ABI1: variants seen among roughly 807,000 people sequenced by gnomAD.
The protein encoded by ABI1 is Abelson interactor 1.
Under a neutral mutation model 54.6 loss-of-function variants are expected in ABI1, and 14 were observed. That is an observed-to-expected ratio of 0.26 (90% confidence interval 0.17 to 0.40). The LOEUF is 0.40. Among genes scored for constraint, ABI1 ranks in the 10% least tolerant of loss-of-function variants. The pLI, the probability that ABI1 is intolerant of heterozygous loss-of-function variation, is 1.00. For synonymous variants in ABI1, 194 were observed against 209.3 expected (o/e 0.93, Z 0.63); for missense variants, 443 against 598.3 (o/e 0.74, Z 2.71).
In ABI1 at chr10:26,860,645, C is replaced by A; in HGVS notation, c.117+102G>T. ...CTGCGGTAGGGGCTCGGGTTGGTGG[C>A]AGCCGCTGAGGTCAGGGCAGTTCCC... On this transcript the variant is annotated intron_variant, in intron 1 of 10. Transcript: ENST00000376140. This position sits in a 1 kb window ranked among gnomAD's most constrained non-coding sequence, Gnocchi z 4.1. 1.1e-6 allele frequency: 1 copy of A among 914,758 alleles called. No homozygotes were observed. Among genetic ancestry groups the A allele is most frequent in the Non-Finnish European group, 1.8e-6 (1 of 570,414 alleles). 56.7% of individuals were successfully genotyped at this position (914,758 alleles called of 1,614,324 possible).
intron 2 of ABI1, among the ~76,000 whole-genome samples, chr10:26,782,568 C>A (rs904086517): frequency 5.3e-5 from 8 of 152,020 alleles, no homozygotes; most frequent in Non-Finnish European, 1.0e-4. Context: ...ACCAAAAATA[C>A]AAACATTAGC....
rs1032261865 is a variant in ABI1 at position 26,860,685 on chromosome 10, G to A, written c.117+62C>T. On this transcript the variant is annotated intron_variant, in intron 1 of 10. Transcript: ENST00000376140. The surrounding 1 kb of genome is among the most constrained non-coding windows in gnomAD (Gnocchi z 4.1). ...GGGCAGTTCCCCACCCCGCCCAGTGGGCTGGTCACTCCGGCGGGTCCTCGA... is the reference window on the plus strand; with the variant it reads ...GGGCAGTTCCCCACCCCGCCCAGTGAGCTGGTCACTCCGGCGGGTCCTCGA... The A allele has an allele frequency of 3.2e-5, 43 of 1,355,016 alleles. 1 individual carries two copies. The highest frequency in any genetic ancestry group is 2.8e-4 in the South Asian group (24 of 85,964). 83.9% of individuals were successfully genotyped at this position (1,355,016 alleles called of 1,614,324 possible).
intron 1 of ABI1, among the ~76,000 whole-genome samples, chr10:26,834,219 G>A (rs1313165725): frequency 6.6e-6 from 1 of 152,028 alleles, no homozygotes; most frequent in Non-Finnish European, 1.5e-5. Context: ...GACAGAGCGA[G>A]ATTCCATCTC....
intron 2 of ABI1, among the ~76,000 whole-genome samples, chr10:26,799,422 A>C (rs927192805): frequency 1.3e-5 from 2 of 152,212 alleles, no homozygotes; most frequent in African/African-American, 4.8e-5. Context: ...GCTCTTCAAA[A>C]AGAACAAACC....
chr10:26,818,352 CT>C, intron 2 of ABI1, among the ~76,000 whole-genome samples: 1 of 151,652 alleles, frequency 6.6e-6, no homozygotes, highest in East Asian at 2.0e-4. Flanking sequence ...GGCACAGTGG[CT>C]CATGTCTGTA....
At chr10:26,793,639 T>G (rs1429645315) in intron 2 of ABI1, among the ~76,000 whole-genome samples, 1 of 152,230 alleles carries the variant, frequency 6.6e-6, no homozygotes, top group South Asian at 2.1e-4. Flanking sequence ...ATACTCTATG[T>G]GGTAATTACA....
intron 2 of ABI1, among the ~76,000 whole-genome samples, chr10:26,802,173 T>G (rs1030493595): frequency 6.6e-6 from 1 of 152,172 alleles, no homozygotes; most frequent in African/African-American, 2.4e-5. Context: ...AAGTTAAAAG[T>G]CTAAGAAGAG....
intron 1 of ABI1, among the ~76,000 whole-genome samples, chr10:26,857,973 C>G (rs2134363979): frequency 6.6e-6 from 1 of 152,086 alleles, no homozygotes; most frequent in Admixed American, 6.5e-5. Flanking sequence ...AACTAATAAA[C>G]TGCCGCAAGA....
chr10:26,751,918 G>T, intron 9 of ABI1, 135 bp from the exon 10 acceptor site: 2 of 818,840 alleles, frequency 2.4e-6, no homozygotes, highest in East Asian at 2.9e-5. Context: ...AGAAATAAAA[G>T]CTTGGTGTGT....
At chr10:26,749,978 A>T (rs1438143928) in intron 10 of ABI1, among the ~76,000 whole-genome samples, 1 of 152,172 alleles carries the variant, frequency 6.6e-6, no homozygotes, top group Non-Finnish European at 1.5e-5. Flanking sequence ...TCTACTATCA[A>T]ATATATTACC....
In ABI1 at chr10:26,747,505, C is replaced by T. The variant is rs1409144924; in HGVS notation, c.*1065G>A. Reference sequence around the variant, plus strand: ...TGCCTACTCACAAATCAACTGTATCCACTTTTACAATATGTAAAAGGTACT... The same window carrying T: ...TGCCTACTCACAAATCAACTGTATCTACTTTTACAATATGTAAAAGGTACT... On this transcript the variant is annotated 3_prime_UTR_variant, in exon 11 of 11. Coordinates refer to ENST00000376140, the MANE Select transcript of ABI1 (RefSeq NM_001012750.3). 1 of 207,968 alleles carries T rather than the reference C, an allele frequency of 4.8e-6. No homozygotes were observed. Among genetic ancestry groups the T allele is most frequent in the Admixed American group, 5.9e-5 (1 of 16,874 alleles). The allele number at this position is 207,968 out of a possible 1,614,324, so 12.9% of individuals were successfully genotyped here.
intron 1 of ABI1, among the ~76,000 whole-genome samples, chr10:26,825,268 G>A (rs572256947): frequency 6.6e-6 from 1 of 152,306 alleles, no homozygotes; most frequent in African/African-American, 2.4e-5. Flanking sequence ...GCTTGTACCT[G>A]CAATCCTGGC....
At chr10:26,857,848 C>CA (rs1168285053) in intron 1 of ABI1, among the ~76,000 whole-genome samples, 1,307 of 100,128 alleles carry the variant, frequency 0.013, 34 homozygotes, top group South Asian at 0.036. Context: ...AAGTCTGTCT[C>CA]AAAAAAAAAA....
chr10:26,778,464 G>C (rs754300047), intron 2 of ABI1, among the ~76,000 whole-genome samples: 6 of 147,468 alleles, frequency 4.1e-5, no homozygotes, highest in Non-Finnish European at 7.4e-5. Flanking sequence ...GTCTAGGTGA[G>C]ACGAGGCCAG....
At chr10:26,843,232 C>T (rs889106110) in intron 1 of ABI1, among the ~76,000 whole-genome samples, 5 of 151,024 alleles carry the variant, frequency 3.3e-5, no homozygotes, top group Non-Finnish European at 7.4e-5. Context: ...GTGGGCAGAT[C>T]ACCTGAGGTC....
At chr10:26,776,488 A>G (rs1425110250) in intron 3 of ABI1, 1 of 152,242 alleles carries the variant, frequency 6.6e-6, no homozygotes, top group Non-Finnish European at 1.5e-5. Context: ...CAAAAAGCTG[A>G]CACACTACAG....
At chr10:26,853,969 T>C (rs961280049) in intron 1 of ABI1, among the ~76,000 whole-genome samples, 2 of 152,222 alleles carry the variant, frequency 1.3e-5, no homozygotes, top group Non-Finnish European at 2.9e-5. Context: ...TAACATATTT[T>C]TGACTGTTAA....
At chr10:26,839,744 A>G (rs1045325774) in intron 1 of ABI1, 2 of 701,920 alleles carry the variant, frequency 2.8e-6, no homozygotes, top group Non-Finnish European at 5.2e-6. Flanking sequence ...TGAGGCCAGG[A>G]GTTTGAGAGC....
chr10:26,849,564 T>C (rs945740226), intron 1 of ABI1, among the ~76,000 whole-genome samples: 4 of 152,226 alleles, frequency 2.6e-5, no homozygotes, highest in African/African-American at 4.8e-5. Context: ...CCATTATTAC[T>C]TCAAAAACAA....
Sources: allele counts gnomAD v4.1 joint callset (sites outside exome capture counted in the v4.1 genomes callset), GRCh38; gene constraint gnomAD v4.1.1; non-coding constraint Gnocchi (gnomAD v3.1); transcripts MANE v1.5; gene names NCBI Gene and HGNC (gene_info 2026-07-23, HGNC 2026-07-21).